PTDSS2: variants seen among roughly 807,000 people sequenced by gnomAD.
PTDSS2 encodes the protein PSS-2.
PTDSS2 carries 41 observed loss-of-function variants against 64.7 expected under a neutral mutation model. The observed-to-expected ratio is 0.63, with a 90% CI of 0.49 to 0.82. The LOEUF is 0.82. Ranked by LOEUF, PTDSS2 falls within the 40% of genes least tolerant of loss-of-function variation. The pLI is 0.00. For missense variants in PTDSS2, 485 were observed against 650.0 expected (o/e 0.75, Z 2.76); for synonymous variants, 297 against 277.8 (o/e 1.07, Z -0.69).
intron 4 of PTDSS2, among the ~76,000 whole-genome samples, chr11:481,649 G>A (rs1011102623): frequency 1.3e-5 from 2 of 152,048 alleles, no homozygotes; most frequent in African/African-American, 4.8e-5. Flanking sequence ...TGCATTGCTC[G>A]TTACTCATGT....
At chr11:487,310 C>T (rs1338452810) in intron 5 of PTDSS2, 110 bp from the exon 6 acceptor site, 15 of 1,122,346 alleles carry the variant, frequency 1.3e-5, no homozygotes, top group Non-Finnish European at 1.9e-5. Context: ...GAGTCCCTGG[C>T]CTTCTTCCCG....
chr11:474,130 C>T (rs532940074), intron 3 of PTDSS2, among the ~76,000 whole-genome samples, 153 bp downstream of exon 3: 1 of 152,294 alleles, frequency 6.6e-6, no homozygotes, highest in Non-Finnish European at 1.5e-5. Context: ...TGGACAAGGG[C>T]GTGGGGTTCT....
chr11:475,494 G>A (rs527986096), intron 3 of PTDSS2, among the ~76,000 whole-genome samples: 1 of 151,222 alleles, frequency 6.6e-6, no homozygotes, highest in Non-Finnish European at 1.5e-5. Context: ...ATATTCACGC[G>A]TTTGTGTGAT....
At chr11:448,579 G>A (rs1016788412), upstream of PTDSS2, among the ~76,000 whole-genome samples, 1 of 152,192 alleles carries the variant, frequency 6.6e-6, no homozygotes, top group African/African-American at 2.4e-5. Context: ...GCCAGGGCCT[G>A]GGGCAGGGGG....
intron 1 of PTDSS2, among the ~76,000 whole-genome samples, chr11:457,393 T>A (rs1846647053): frequency 1.3e-5 from 2 of 152,246 alleles, no homozygotes; most frequent in Admixed American, 1.3e-4. Context: ...GATGGGAGGT[T>A]TCTTTTGTGC....
At chr11:472,524 G>C (rs1474743416) in intron 2 of PTDSS2, among the ~76,000 whole-genome samples, 1 of 152,164 alleles carries the variant, frequency 6.6e-6, no homozygotes, top group Non-Finnish European at 1.5e-5. Flanking sequence ...TGAATGTCCT[G>C]CCGAGGGTGA....
intron 3 of PTDSS2, among the ~76,000 whole-genome samples, chr11:477,183 G>A (rs1847846165): frequency 2.0e-5 from 3 of 152,352 alleles, no homozygotes; most frequent in Non-Finnish European, 4.4e-5. Flanking sequence ...GCCCAGCCCG[G>A]CCATCTGGGG....
At chr11:449,897 G>A (rs1032162413), upstream of PTDSS2, among the ~76,000 whole-genome samples, 1 of 152,208 alleles carries the variant, frequency 6.6e-6, no homozygotes, top group Non-Finnish European at 1.5e-5. Context: ...GCAGTGAGCC[G>A]GGATCGCGCC....
intron 4 of PTDSS2, among the ~76,000 whole-genome samples, chr11:482,799 A>C (rs1315174143): frequency 6.7e-6 from 1 of 148,890 alleles, no homozygotes; most frequent in Non-Finnish European, 1.5e-5. Flanking sequence ...CTCCCTACCG[A>C]GTGGAGAAGG....
rs577842076 is a variant in PTDSS2 at position 488,118 on chromosome 11, CG to C, written c.622-77del. Reference sequence around the variant, plus strand: ...GGCGTCCCATACTCTGGCTGCCAGCCGGGGTGGGGGCTGCACGCACCCGTGG... The same window carrying C: ...GGCGTCCCATACTCTGGCTGCCAGCCGGGTGGGGGCTGCACGCACCCGTGG... On this transcript the variant is annotated intron_variant, in intron 6 of 11. Transcript: ENST00000308020. 4.5e-3 allele frequency: 4,720 copies of C among 1,047,080 alleles called. 205 individuals carry two copies. In the African/African-American group the frequency reaches 0.067, roughly 15 times the overall value. 64.9% of individuals were successfully genotyped at this position (1,047,080 alleles called of 1,614,324 possible). A position where few individuals can be genotyped will look rare whatever the true frequency, so the allele number is the denominator to read the frequency against.
intron 3 of PTDSS2, among the ~76,000 whole-genome samples, chr11:474,629 A>T (rs948570354): frequency 2.6e-5 from 4 of 151,954 alleles, no homozygotes; most frequent in African/African-American, 9.7e-5. Flanking sequence ...ATCTCAGTGT[A>T]CTCTGTCCCC....
intron 1 of PTDSS2, among the ~76,000 whole-genome samples, chr11:453,887 G>A (rs139726479): frequency 6.6e-5 from 10 of 152,348 alleles, no homozygotes; most frequent in East Asian, 5.8e-4. Context: ...CTGTCTTCAC[G>A]CCCTCACCCT....
At chr11:490,151 C>G (rs187184959) in intron 11 of PTDSS2, 83 bp downstream of exon 11, 1 of 1,417,070 alleles carries the variant, frequency 7.1e-7, no homozygotes, top group Non-Finnish European at 9.6e-7. Context: ...AGTTTGGTGT[C>G]GTTGGTGTCT....
At chr11:466,401 CTTTTTT>C (rs1226254389) in intron 2 of PTDSS2, among the ~76,000 whole-genome samples, 2 of 120,798 alleles carry the variant, frequency 1.7e-5, no homozygotes, top group African/African-American at 6.3e-5. Context: ...AACTGCCACT[CTTTTTT>C]TTTTTTTTTT....
rs1847360491 is a variant in PTDSS2 at position 470,258 on chromosome 11, C to A, written c.285-3637C>A. Among the ~76,000 whole-genome samples the A allele has an allele frequency of 6.6e-6, 1 of 152,184 alleles. No individual in the cohort carries two copies. The highest frequency in any genetic ancestry group is 2.4e-5 in the African/African-American group (1 of 41,434). ...GCACTGGTCATGTTCATGGCGTGGC[C>A]GACGGGGAGGCTGCTGCCCCATCCT... On this transcript the variant is annotated intron_variant, in intron 2 of 11. Coordinates refer to ENST00000308020, the MANE Select transcript of PTDSS2 (RefSeq NM_030783.3). The surrounding 1 kb of genome is among the most constrained non-coding windows in gnomAD (Gnocchi z 5.3).
chr11:459,176 A>G lies in PTDSS2; in HGVS notation c.183-1011A>G, dbSNP rs1375705688. 111 of 50,554 alleles carry G rather than the reference A, an allele frequency of 2.2e-3. 1 individual carries two copies. The highest frequency in any genetic ancestry group is 0.012 in the African/African-American group (103 of 8,744). 3.1% of individuals were successfully genotyped at this position (50,554 alleles called of 1,614,324 possible). A position where few individuals can be genotyped will look rare whatever the true frequency, so the allele number is the denominator to read the frequency against. Reference sequence around the variant, plus strand: ...TGTCGGACCTGGGTTAGACGTGAGGACACACTCCGGTGGATGTCGGACCTG... The same window carrying G: ...TGTCGGACCTGGGTTAGACGTGAGGGCACACTCCGGTGGATGTCGGACCTG... On this transcript the variant is annotated intron_variant, in intron 1 of 11. Transcript: ENST00000308020.
At position 488,326 on chromosome 11, in the gene PTDSS2, C is replaced by G. The variant is rs1192895780; in HGVS notation, c.735+14C>G. The G allele has an allele frequency of 6.2e-7, 1 of 1,600,296 alleles. No homozygotes were observed. The highest frequency in any genetic ancestry group is 8.6e-7 in the Non-Finnish European group (1 of 1,169,134). On this transcript the variant is annotated intron_variant, in intron 7 of 11. Coordinates refer to ENST00000308020, the MANE Select transcript of PTDSS2 (RefSeq NM_030783.3). ...TGGTGGGATCACGTAGGTGCCAGCA[C>G]AGCCCCCGGGGCAGTCGGTGCAGGC...
intron 1 of PTDSS2, among the ~76,000 whole-genome samples, chr11:452,983 A>G (rs530772265): frequency 4.2e-4 from 64 of 152,142 alleles, no homozygotes; most frequent in Non-Finnish European, 6.9e-4. Context: ...CTTCCGCCTC[A>G]GCCTCCCAGA....
chr11:455,762 G>C (rs1049943011), intron 1 of PTDSS2, among the ~76,000 whole-genome samples: 1 of 152,246 alleles, frequency 6.6e-6, no homozygotes, highest in Non-Finnish European at 1.5e-5. Flanking sequence ...AACAAAAATA[G>C]TTGTTTTAAC....
Sources: gnomAD v4.1 joint callset for allele counts (sites outside exome capture counted in the v4.1 genomes callset) on GRCh38, gnomAD v4.1.1 for gene constraint, Gnocchi (gnomAD v3.1) non-coding constraint, MANE v1.5 for transcripts, NCBI Gene and HGNC (gene_info 2026-07-23, HGNC 2026-07-21) for gene names.